The following PRKCH variants were observed in gnomAD, a reference collection of about 807,000 sequenced individuals.
PRKCH encodes protein kinase C eta.
PRKCH carries 28 observed loss-of-function variants against 82.5 expected under a neutral mutation model. That is an observed-to-expected ratio of 0.34 (90% CI 0.25 to 0.47). The LOEUF (loss-of-function observed/expected upper bound fraction) is 0.47, where lower values mean the gene tolerates loss of function less well. PRKCH is among the 20% of genes least tolerant of loss of function. The pLI is 1.00. For synonymous variants in PRKCH, 322 were observed against 327.4 expected, an observed-to-expected ratio of 0.98 and a Z score of 0.18; for missense variants, 705 against 881.8, an observed-to-expected ratio of 0.80 and a Z score of 2.54.
At chr14:61,505,784 T>G (rs1181934571) in intron 10 of PRKCH, among the ~76,000 whole-genome samples, 2 of 152,108 alleles carry the variant, frequency 1.3e-5, no homozygotes, top group East Asian at 3.8e-4. Flanking sequence ...AGGTTAAGTT[T>G]CAACATACCA....
At chr14:61,467,426 C>G (rs986335967) in intron 9 of PRKCH, among the ~76,000 whole-genome samples, 1 of 152,238 alleles carries the variant, frequency 6.6e-6, no homozygotes, top group Non-Finnish European at 1.5e-5. Flanking sequence ...TCCAGCTCCC[C>G]TTTCCCTTCC....
intron 1 of PRKCH, among the ~76,000 whole-genome samples, chr14:61,214,631 G>C (rs1290423824): frequency 1.3e-5 from 2 of 151,982 alleles, no homozygotes; most frequent in East Asian, 3.9e-4. Context: ...CTCTTCCTGG[G>C]GGGTAGTTTT....
intron 1 of PRKCH, among the ~76,000 whole-genome samples, chr14:61,197,103 G>A (rs7157882): frequency 0.35 from 53,511 of 151,884 alleles, 10,197 homozygotes; most frequent in African/African-American, 0.48. Flanking sequence ...TTCTCCTTTC[G>A]TAGCAATCCT....
At chr14:61,324,216 A>G (rs1365541285) in intron 1 of PRKCH, among the ~76,000 whole-genome samples, 1 of 152,230 alleles carries the variant, frequency 6.6e-6, no homozygotes, top group African/African-American at 2.4e-5. Context: ...AGGAAGATCC[A>G]CGTTATCTGA....
intron 12 of PRKCH, among the ~76,000 whole-genome samples, chr14:61,541,062 T>C (rs961789647): frequency 2.0e-5 from 3 of 152,240 alleles, no homozygotes; most frequent in Non-Finnish European, 4.4e-5. Flanking sequence ...AAGTGACTTA[T>C]CAATGCCAGG....
intron 10 of PRKCH, among the ~76,000 whole-genome samples, chr14:61,511,022 G>A (rs17098625): frequency 2.0e-5 from 3 of 152,092 alleles, no homozygotes; most frequent in Admixed American, 2.0e-4. Context: ...GACACTTAGG[G>A]GTGGTGAGAG....
chr14:61,485,964 T>G (rs1886201976), intron 10 of PRKCH, among the ~76,000 whole-genome samples: 1 of 152,108 alleles, frequency 6.6e-6, no homozygotes, highest in Non-Finnish European at 1.5e-5. Flanking sequence ...ACAGGGGTCT[T>G]GCAATGTTGC....
chr14:61,224,454 C>T (rs571993690), intron 1 of PRKCH, among the ~76,000 whole-genome samples: 24 of 152,296 alleles, frequency 1.6e-4, no homozygotes, highest in African/African-American at 5.5e-4. Flanking sequence ...TGAGATCATG[C>T]ATTGGTTGTC....
chr14:61,462,046 A>C (rs1885051715), intron 9 of PRKCH, among the ~76,000 whole-genome samples: 1 of 152,244 alleles, frequency 6.6e-6, no homozygotes, highest in Admixed American at 6.5e-5. Context: ...ATGTCTCCAA[A>C]GCAAAGGATA....
At chr14:61,423,924 G>C (rs1423861953) in intron 2 of PRKCH, among the ~76,000 whole-genome samples, 1 of 152,154 alleles carries the variant, frequency 6.6e-6, no homozygotes, top group African/African-American at 2.4e-5. Context: ...TTGAGGGAGA[G>C]ACCTGGTGGG....
chr14:61,279,778 G>T, intron 1 of PRKCH: 1 of 328,760 alleles, frequency 3.0e-6, no homozygotes, highest in Non-Finnish European at 5.6e-6. Context: ...TCTAATAGGG[G>T]TTTAATAGGA....
chr14:61,269,289 A>G (rs1236481252), intron 1 of PRKCH, among the ~76,000 whole-genome samples: 2 of 152,222 alleles, frequency 1.3e-5, no homozygotes, highest in African/African-American at 4.8e-5. Flanking sequence ...TAATGTATAG[A>G]AAGTCACAAA....
chr14:61,384,222 C>T (rs1218125134), intron 1 of PRKCH, among the ~76,000 whole-genome samples: 3 of 152,144 alleles, frequency 2.0e-5, no homozygotes, highest in Non-Finnish European at 4.4e-5. Flanking sequence ...TCTAGTGATT[C>T]AGTGATGACC....
intron 12 of PRKCH, chr14:61,537,594 G>C (rs1276149352): frequency 6.6e-6 from 1 of 152,182 alleles, no homozygotes; most frequent in African/African-American, 2.4e-5. Flanking sequence ...TTGTCTCAGA[G>C]GTTAGTGCTC....
intron 1 of PRKCH, among the ~76,000 whole-genome samples, chr14:61,194,035 T>C (rs2044425335): frequency 6.6e-6 from 1 of 152,228 alleles, no homozygotes; most frequent in Non-Finnish European, 1.5e-5. Flanking sequence ...GTCCCATCTG[T>C]CTTTTATCCC....
chr14:61,263,631 A>C (rs745797653), intron 1 of PRKCH, among the ~76,000 whole-genome samples: 4 of 152,188 alleles, frequency 2.6e-5, no homozygotes, highest in Non-Finnish European at 4.4e-5. Context: ...ACCTATTTGT[A>C]TCCATATCCA....
At chr14:61,448,470 G>A (rs545810294) in intron 4 of PRKCH, among the ~76,000 whole-genome samples, 28 of 152,310 alleles carry the variant, frequency 1.8e-4, no homozygotes, top group African/African-American at 6.5e-4. Context: ...AAGGCATCAT[G>A]CAAGGAATTC....
At chr14:61,376,102 T>G (rs1235625677) in intron 1 of PRKCH, among the ~76,000 whole-genome samples, 1 of 150,874 alleles carries the variant, frequency 6.6e-6, no homozygotes, top group African/African-American at 2.5e-5. Context: ...TTAATGGGAT[T>G]TTAATAATCC....
At chr14:61,453,476 T>A in intron 7 of PRKCH, 123 bp downstream of exon 7, 1 of 958,498 alleles carries the variant, frequency 1.0e-6, no homozygotes, top group Non-Finnish European at 1.4e-6. Context: ...AACAGACTTA[T>A]TGCCTTTCTT....
Sources: allele counts gnomAD v4.1 joint callset (sites outside exome capture counted in the v4.1 genomes callset), GRCh38; gene constraint gnomAD v4.1.1; transcripts MANE v1.5; gene names NCBI Gene and HGNC (gene_info 2026-07-23, HGNC 2026-07-21).